KSR2: variants seen among roughly 807,000 people sequenced by gnomAD.
KSR2 encodes kinase suppressor of ras 2.
KSR2 carries 25 observed loss-of-function variants against 107.8 expected under a neutral mutation model. The observed-to-expected ratio is 0.23, with a 90% confidence interval of 0.17 to 0.32. The LOEUF (loss-of-function observed/expected upper bound fraction) is 0.32, where lower values mean the gene tolerates loss of function less well. Ranked by LOEUF, KSR2 falls within the 10% of genes least tolerant of loss-of-function variation. The probability of loss-of-function intolerance (pLI) is 1.00; values close to 1 mark genes in which losing one functional copy is unlikely to be tolerated. For synonymous variants in KSR2, 480 were observed against 507.0 expected, an observed-to-expected ratio of 0.95 and a Z score of 0.71; for missense variants, 887 against 1,268.9, an observed-to-expected ratio of 0.70 and a Z score of 4.57.
chr12:117,526,995 T>A, intron 13 of KSR2, 76 bp downstream of exon 13: 1 of 1,268,110 alleles, frequency 7.9e-7, no homozygotes, highest in Non-Finnish European at 1.2e-6. Flanking sequence ...CTCTGCGTCA[T>A]CCAAAACGTC....
chr12:117,903,972 C>G (rs1176120684), intron 1 of KSR2, among the ~76,000 whole-genome samples: 1 of 152,102 alleles, frequency 6.6e-6, no homozygotes, highest in Admixed American at 6.6e-5. Context: ...GTACTCCAGC[C>G]TGGGTGACAG....
intron 7 of KSR2, among the ~76,000 whole-genome samples, chr12:117,574,475 A>T (rs1157634960): frequency 6.6e-6 from 1 of 152,202 alleles, no homozygotes; most frequent in Non-Finnish European, 1.5e-5. Context: ...ATCATGGTGG[A>T]AACCCAAAGG....
At chr12:117,660,931 G>A (rs775199986) in intron 5 of KSR2, among the ~76,000 whole-genome samples, 57 of 152,278 alleles carry the variant, frequency 3.7e-4, no homozygotes, top group Middle Eastern at 3.4e-3. Context: ...TGAGGGCTGG[G>A]CTCCTGGCTT....
At chr12:117,902,726 C>T (rs1179200284) in intron 1 of KSR2, among the ~76,000 whole-genome samples, 5 of 151,922 alleles carry the variant, frequency 3.3e-5, no homozygotes, top group Admixed American at 1.3e-4. Flanking sequence ...ACATGTATCC[C>T]AGAACTTAAA....
At chr12:117,777,120 CATATATATATACACTATATTATAT>C (rs1889719931) in intron 3 of KSR2, among the ~76,000 whole-genome samples, 25 of 104,790 alleles carry the variant, frequency 2.4e-4, no homozygotes, top group Non-Finnish European at 3.5e-5. Flanking sequence ...ACACACACAC[CATATATATATACACTATATTATAT>C]ATATATATAT....
At chr12:117,610,267 T>C (rs1291258303) in intron 5 of KSR2, among the ~76,000 whole-genome samples, 1 of 152,150 alleles carries the variant, frequency 6.6e-6, no homozygotes, top group Non-Finnish European at 1.5e-5. Context: ...CTTCTAAAAA[T>C]GCCACCTAAG....
chr12:117,492,959 C>T (rs1872826078), intron 14 of KSR2, among the ~76,000 whole-genome samples: 1 of 152,108 alleles, frequency 6.6e-6, no homozygotes, highest in African/African-American at 2.4e-5. Flanking sequence ...CACAGCCCTG[C>T]CAACATCCTG....
intron 5 of KSR2, among the ~76,000 whole-genome samples, chr12:117,590,809 T>C (rs1420824260): frequency 2.0e-5 from 3 of 152,162 alleles, no homozygotes; most frequent in Non-Finnish European, 2.9e-5. Context: ...AAATAATTAT[T>C]ACCTGGCCCT....
intron 4 of KSR2, among the ~76,000 whole-genome samples, chr12:117,747,888 T>C (rs1888469327): frequency 6.6e-6 from 1 of 152,194 alleles, no homozygotes; most frequent in Non-Finnish European, 1.5e-5. Flanking sequence ...TGGAAAACAG[T>C]GTGGAGGTTC....
intron 3 of KSR2, among the ~76,000 whole-genome samples, chr12:117,776,238 T>C (rs1313909754): frequency 2.0e-5 from 3 of 152,150 alleles, no homozygotes; most frequent in African/African-American, 7.2e-5. Context: ...CAAGTGCAAT[T>C]AAACCTGGGA....
Position 117,460,702 on chromosome 12 carries a change from C to T in KSR2, c.*6497G>A, listed in dbSNP as rs1870847487. ...CCCATGAGCAGCTGGACATGAACCC[C>T]TTGACCTGGAGGTGGGTTCCTGGGA... is the stretch of plus-strand genomic sequence containing the variant. On this transcript the variant is annotated 3_prime_UTR_variant, in exon 20 of 20. Coordinates refer to ENST00000339824, the MANE Select transcript of KSR2 (RefSeq NM_173598.6). 6.6e-6 allele frequency: 1 copy of T among 152,192 alleles called. No homozygotes were observed. The allele number at this position is 152,192 out of a possible 1,614,324, so 9.4% of individuals were successfully genotyped here.
chr12:117,591,050 A>T (rs1476204760), intron 5 of KSR2, among the ~76,000 whole-genome samples: 2 of 152,104 alleles, frequency 1.3e-5, no homozygotes, highest in Non-Finnish European at 1.5e-5. Flanking sequence ...TGTGAGGTGC[A>T]TTGTTTTGAT....
At chr12:117,741,143 C>T (rs937188611) in intron 4 of KSR2, among the ~76,000 whole-genome samples, 1 of 152,130 alleles carries the variant, frequency 6.6e-6, no homozygotes, top group African/African-American at 2.4e-5. Flanking sequence ...AAATCTGGGA[C>T]AATTTGAGCA....
chr12:117,691,508 G>A (rs190130794), intron 4 of KSR2, among the ~76,000 whole-genome samples: 1 of 152,296 alleles, frequency 6.6e-6, no homozygotes, highest in East Asian at 1.9e-4. Context: ...CAAGATTAAT[G>A]AATTATGCAT....
chr12:117,475,546 G>T (rs1871725087), intron 17 of KSR2, among the ~76,000 whole-genome samples: 1 of 152,178 alleles, frequency 6.6e-6, no homozygotes, highest in Admixed American at 6.5e-5. Flanking sequence ...TGATCTCCCA[G>T]ATTGGATTTG....
At chr12:117,906,637 T>C (rs1427432917) in intron 1 of KSR2, among the ~76,000 whole-genome samples, 1 of 151,958 alleles carries the variant, frequency 6.6e-6, no homozygotes, top group Admixed American at 6.6e-5. Flanking sequence ...CTTCACACAG[T>C]TTCTACTCTA....
intron 3 of KSR2, among the ~76,000 whole-genome samples, chr12:117,793,693 ATAC>A (rs1438855340): frequency 6.7e-6 from 1 of 148,998 alleles, no homozygotes; most frequent in Admixed American, 6.7e-5. Flanking sequence ...ACATGCACAC[ATAC>A]AACATGCACA....
chr12:117,958,591 C>T (rs1314110103), intron 1 of KSR2, among the ~76,000 whole-genome samples: 9 of 152,104 alleles, frequency 5.9e-5, no homozygotes, highest in Admixed American at 2.0e-4. Context: ...GAGGCCTAGG[C>T]GGGCAGATCA....
At chr12:117,790,751 G>A (rs1475404182) in intron 3 of KSR2, among the ~76,000 whole-genome samples, 2 of 152,042 alleles carry the variant, frequency 1.3e-5, no homozygotes, top group Admixed American at 6.5e-5. Flanking sequence ...TTCCCTTCAC[G>A]GAGTCATCCT....
Sources: allele counts gnomAD v4.1 joint callset (sites outside exome capture counted in the v4.1 genomes callset), GRCh38; gene constraint gnomAD v4.1.1; transcripts MANE v1.5; gene names NCBI Gene and HGNC (gene_info 2026-07-23, HGNC 2026-07-21).